RANBP2: variants seen among roughly 807,000 people sequenced by gnomAD.
RANBP2 encodes the protein RAN binding protein 2, also known as E3 SUMO-protein ligase RanBP2.
In RANBP2, 57 loss-of-function variants were observed where a neutral mutation model predicts 303.6. That is an observed-to-expected ratio of 0.19 (90% CI 0.15 to 0.23). The LOEUF is 0.23. RANBP2 is among the 10% of genes least tolerant of loss of function. The pLI is 1.00. For synonymous variants in RANBP2, 1,167 were observed against 1,301.5 expected (o/e 0.90, Z 2.23); for missense variants, 3,138 against 3,780.8 (o/e 0.83, Z 4.46).
At chr2:109,528,155 G>A in the RANBP2 span, among the ~76,000 whole-genome samples, 1 of 152,210 alleles carries the variant, frequency 6.6e-6, no homozygotes, top group African/African-American at 2.4e-5. Context: ...ACTGGGCCCA[G>A]CAGGGCTTCA....
Position 108,735,633 on chromosome 2 carries a change from C to T in RANBP2, c.507C>T (p.Ile169=). Reference sequence around the variant, plus strand: ...GACCTGATGACGTCCATGTGAACATCCGGCTAGTGGAGGTGTATCGCTCAA... The same window carrying T: ...GACCTGATGACGTCCATGTGAACATTCGGCTAGTGGAGGTGTATCGCTCAA... ...YVRPDDVHVN[I]RLVEVYRSTK... Residue 169 remains isoleucine, a synonymous_variant, in exon 5 of 29, where the codon ATC becomes ATT. Transcript: ENST00000283195. The T allele has an allele frequency of 6.3e-7, 1 of 1,597,574 alleles. No individual in the cohort carries two copies. Among genetic ancestry groups the T allele is most frequent in the South Asian group, 1.1e-5 (1 of 90,992 alleles).
the RANBP2 span, among the ~76,000 whole-genome samples, chr2:108,819,156 G>A: frequency 6.6e-6 from 1 of 152,146 alleles, no homozygotes; most frequent in Non-Finnish European, 1.5e-5. Context: ...ATAATGACAA[G>A]GACATGTTAG....
At chr2:109,419,047 G>A in the RANBP2 span, among the ~76,000 whole-genome samples, 1 of 152,178 alleles carries the variant, frequency 6.6e-6, no homozygotes, top group Non-Finnish European at 1.5e-5. Context: ...GTCTTGGGGG[G>A]AGGGGGGCAC....
chr2:109,001,462 G>A, the RANBP2 span, among the ~76,000 whole-genome samples: 1 of 152,200 alleles, frequency 6.6e-6, no homozygotes. Context: ...CCCCATGGCT[G>A]GCTGGTGGCA....
intron 1 of RANBP2, among the ~76,000 whole-genome samples, chr2:108,727,097 A>G (rs1434939512): frequency 1.3e-5 from 2 of 152,106 alleles, no homozygotes; most frequent in Non-Finnish European, 2.9e-5. Context: ...CCGCCTTTCT[A>G]TTCCACAAAA....
chr2:109,616,490 T>A, the RANBP2 span: 1 of 168,046 alleles, frequency 6.0e-6, no homozygotes, highest in Admixed American at 6.5e-5. Flanking sequence ...CAAACTGTAA[T>A]GAAACTACAT....
the RANBP2 span, among the ~76,000 whole-genome samples, chr2:108,809,285 C>T: frequency 6.6e-6 from 1 of 152,094 alleles, no homozygotes; most frequent in East Asian, 1.9e-4. Context: ...CACAGGATCG[C>T]TTTCGCTTAT....
the RANBP2 span, among the ~76,000 whole-genome samples, chr2:109,492,416 G>A: frequency 1.3e-5 from 2 of 152,090 alleles, no homozygotes; most frequent in Non-Finnish European, 2.9e-5. Context: ...CAGTGAGAAC[G>A]GAAGTCGCAT....
chr2:109,580,920 G>A, the RANBP2 span, among the ~76,000 whole-genome samples: 1 of 152,142 alleles, frequency 6.6e-6, no homozygotes, highest in African/African-American at 2.4e-5. Context: ...AGGAGTTCAA[G>A]GAGGCAAAAG....
rs1299933653 is a variant in RANBP2 at position 108,782,268 on chromosome 2, T to G, written c.8901T>G (p.Asn2967Lys). ...DIKILWHTMK[N>K]YYRILMRRDQ... ...AGATTCTTTGGCATACAATGAAGAA[T>G]TATTACCGGATCCTAATGAGAAGAG... is the stretch of plus-strand genomic sequence containing the variant. The change falls in exon 27 of 29, where the codon AAT becomes AAG. Residue 2967 changes from asparagine to lysine, a missense_variant. Physicochemically the swap from Asn to Lys is moderately conservative, Grantham distance 94 (BLOSUM62 0). This residue lies in a region of RANBP2 where 68 missense variants were observed against 117.4 expected (regional missense o/e 0.58). Coordinates refer to ENST00000283195, the MANE Select transcript of RANBP2 (RefSeq NM_006267.5). 1 of 1,614,126 alleles carries G rather than the reference T, an allele frequency of 6.2e-7. No individual in the cohort carries two copies. Among genetic ancestry groups the G allele is most frequent in the Non-Finnish European group, 8.5e-7 (1 of 1,180,008 alleles).
Position 108,764,556 on chromosome 2 carries a change from T to C in RANBP2, c.4017T>C (p.Ala1339=), listed in dbSNP as rs1168712069. The C allele has an allele frequency of 2.5e-6, 4 of 1,613,774 alleles. No individual in the cohort carries two copies. In the African/African-American group the frequency reaches 4.0e-5, roughly 16 times the overall value. The change falls in exon 20 of 29, where the codon GCT becomes GCC. Residue 1339 remains alanine (A), a synonymous_variant. Transcript: ENST00000283195. ...HDNKDICKSD[A]GNLNFEFQVA... is the part of the protein sequence containing the mutation. ...ACAAGGATATTTGCAAATCTGATGC[T>C]GGAAACCTGAATTTTGAATTTCAGG...
At chr2:109,471,062 A>G in the RANBP2 span, among the ~76,000 whole-genome samples, 1 of 152,046 alleles carries the variant, frequency 6.6e-6, no homozygotes, top group East Asian at 1.9e-4. Flanking sequence ...TCCACTAAAA[A>G]CACAAAAATT....
chr2:109,198,945 T>C, the RANBP2 span, among the ~76,000 whole-genome samples: 1 of 152,170 alleles, frequency 6.6e-6, no homozygotes, highest in African/African-American at 2.4e-5. Context: ...AATACAGTCT[T>C]ATGGGACCCC....
At chr2:109,308,543 T>C in the RANBP2 span, among the ~76,000 whole-genome samples, 1 of 58,588 alleles carries the variant, frequency 1.7e-5, no homozygotes, top group Non-Finnish European at 2.8e-5. Context: ...CTTCTAGGGT[T>C]TTTATGGTTT....
the RANBP2 span, chr2:108,897,060 A>T: frequency 6.2e-7 from 1 of 1,614,190 alleles, no homozygotes; most frequent in Non-Finnish European, 8.5e-7. Context: ...TGATGCGGTC[A>T]AAGAGTTGCA....
the RANBP2 span, among the ~76,000 whole-genome samples, chr2:109,268,828 A>T: frequency 2.0e-4 from 30 of 152,126 alleles, 1 homozygote; most frequent in Non-Finnish European, 2.9e-5. Context: ...GAGCCAGGCT[A>T]TGCTATGAGG....
chr2:109,140,806 T>A, the RANBP2 span, among the ~76,000 whole-genome samples: 1 of 152,250 alleles, frequency 6.6e-6, no homozygotes, highest in African/African-American at 2.4e-5. Flanking sequence ...ACATCTCCTC[T>A]GTGTCCCCAA....
chr2:108,909,155 C>T, the RANBP2 span, among the ~76,000 whole-genome samples: 1 of 152,202 alleles, frequency 6.6e-6, no homozygotes, highest in African/African-American at 2.4e-5. Context: ...CTAATAGGGC[C>T]TCCAAATTTT....
the RANBP2 span, chr2:109,615,154 C>A: frequency 2.6e-6 from 4 of 1,549,342 alleles, no homozygotes; most frequent in Non-Finnish European, 3.5e-6. Flanking sequence ...AGCGTGTGTC[C>A]CGGGGGCAGC....
Sources: gnomAD v4.1 joint callset for allele counts (sites outside exome capture counted in the v4.1 genomes callset) on GRCh38, gnomAD v4.1.1 for gene constraint, gnomAD v4.1.1 regional missense constraint, MANE v1.5 for transcripts, NCBI Gene and HGNC (gene_info 2026-07-23, HGNC 2026-07-21) for gene names.